Variants in PCED1B observed in about 807,000 individuals in gnomAD.
PCED1B encodes the protein PC-esterase domain containing 1B.
For missense variants in PCED1B, 573 were observed against 573.9 expected (o/e 1.00, Z 0.02); for synonymous variants, 251 against 246.1 (o/e 1.02, Z -0.19).
intron 2 of PCED1B, among the ~76,000 whole-genome samples, chr12:47,139,624 G>A (rs1940514536): frequency 6.6e-6 from 1 of 152,158 alleles, no homozygotes; most frequent in Non-Finnish European, 1.5e-5. Flanking sequence ...ATGTGTATGT[G>A]TGCTGGGTAT....
intron 1 of PCED1B, among the ~76,000 whole-genome samples, chr12:47,101,262 A>G (rs1329005893): frequency 6.6e-6 from 1 of 152,070 alleles, no homozygotes; most frequent in Non-Finnish European, 1.5e-5. Flanking sequence ...GAACCAACCT[A>G]TGGTTTGAGG....
intron 3 of PCED1B, among the ~76,000 whole-genome samples, chr12:47,227,893 G>A (rs1465895204): frequency 6.6e-6 from 1 of 152,090 alleles, no homozygotes; most frequent in Non-Finnish European, 1.5e-5. Context: ...ATTTTTGTCA[G>A]ATATTGGCCC....
intron 2 of PCED1B, among the ~76,000 whole-genome samples, chr12:47,142,764 A>G (rs910595707): frequency 5.3e-5 from 8 of 152,154 alleles, no homozygotes; most frequent in Non-Finnish European, 8.8e-5. Flanking sequence ...GAAATTAGCC[A>G]ATTAGAGGAA....
At chr12:47,128,399 G>A (rs1939984875) in intron 2 of PCED1B, among the ~76,000 whole-genome samples, 3 of 152,076 alleles carry the variant, frequency 2.0e-5, no homozygotes, top group South Asian at 4.1e-4. Flanking sequence ...GCCTCACTCT[G>A]GGCCGCCTTA....
rs888476812 is a variant in PCED1B at position 47,236,020 on chromosome 12, GCCT to G, written c.966_968del (p.Pro323del). 1.1e-5 allele frequency: 18 copies of G among 1,612,404 alleles called. No homozygotes were observed. The African/African-American group carries it at 1.3e-4, about 12-fold the overall frequency. On this transcript the variant is annotated inframe_deletion, in exon 4 of 4. Coordinates refer to ENST00000546455, the MANE Select transcript of PCED1B (RefSeq NM_138371.3). ...CGCTGCTCCCGCTCCTGTCCCCACA[GCCT>G]CCTCCTCCCATTCTCCATCACCAGG...
intron 2 of PCED1B, among the ~76,000 whole-genome samples, chr12:47,192,051 T>C (rs566349429): frequency 2.6e-5 from 4 of 152,220 alleles, no homozygotes; most frequent in African/African-American, 9.6e-5. Context: ...ATAAATGTAT[T>C]CAATCCACCC....
intron 2 of PCED1B, among the ~76,000 whole-genome samples, chr12:47,125,336 C>T (rs979207846): frequency 1.3e-5 from 2 of 151,886 alleles, no homozygotes; most frequent in Non-Finnish European, 2.9e-5. Flanking sequence ...TGTGGAGATC[C>T]AGACTTTCTG....
chr12:47,217,436 A>AAAAGAAAG lies in PCED1B; in HGVS notation c.-58+763_-58+770dup, dbSNP rs201460011. Among the ~76,000 whole-genome samples the AAAAGAAAG allele has an allele frequency of 5.8e-5, 5 of 85,750 alleles. No individual in the cohort carries two copies. The South Asian group carries it at 1.3e-3, about 22-fold the overall frequency. 56.3% of individuals were successfully genotyped at this position (85,750 alleles called of 152,430 possible). ...GAGAGAGACAGAGAAAGAAGAAAAAAAAAGAAAGAAAGAAAGAAAGAAAAA... is the reference window on the plus strand; with the variant it reads ...GAGAGAGACAGAGAAAGAAGAAAAAAAAAGAAAGAAAGAAAGAAAGAAAGAAAGAAAAA... On this transcript the variant is annotated intron_variant, in intron 3 of 3. Transcript: ENST00000546455.
intron 2 of PCED1B, among the ~76,000 whole-genome samples, chr12:47,157,698 G>A (rs1181860001): frequency 6.6e-6 from 1 of 152,036 alleles, no homozygotes; most frequent in Non-Finnish European, 1.5e-5. Context: ...GTGTAAAGGT[G>A]TGTTAAATAC....
At chr12:47,183,727 G>T (rs1942165879) in intron 2 of PCED1B, among the ~76,000 whole-genome samples, 1 of 152,050 alleles carries the variant, frequency 6.6e-6, no homozygotes, top group African/African-American at 2.4e-5. Context: ...GCATATTTTT[G>T]CTCAGCCATC....
At chr12:47,161,176 T>C (rs111845483) in intron 2 of PCED1B, among the ~76,000 whole-genome samples, 46 of 152,350 alleles carry the variant, frequency 3.0e-4, no homozygotes, top group Middle Eastern at 6.8e-3. Context: ...AGTTATTCTG[T>C]TATAGCAACA....
intron 1 of PCED1B, among the ~76,000 whole-genome samples, chr12:47,086,906 C>G (rs1938015192): frequency 6.6e-6 from 1 of 152,158 alleles, no homozygotes; most frequent in Admixed American, 6.5e-5. Context: ...ACTAATTTAT[C>G]ATAGCTTTAT....
At chr12:47,189,103 T>TTTTGATTG (rs1942364911) in intron 2 of PCED1B, among the ~76,000 whole-genome samples, 3 of 152,182 alleles carry the variant, frequency 2.0e-5, no homozygotes, top group African/African-American at 7.2e-5. Context: ...CTATCTTACA[T>TTTTGATTG]TTTGATTGTT....
chr12:47,127,827 G>T (rs574394070), intron 2 of PCED1B, among the ~76,000 whole-genome samples: 1 of 152,244 alleles, frequency 6.6e-6, no homozygotes, highest in South Asian at 2.1e-4. Flanking sequence ...TGCTGTTGTT[G>T]GATGGAGTGT....
chr12:47,178,244 T>G (rs1435893381), intron 2 of PCED1B, among the ~76,000 whole-genome samples: 2 of 152,198 alleles, frequency 1.3e-5, no homozygotes, highest in Admixed American at 1.3e-4. Context: ...TGGTTGGCTG[T>G]GGTAGGGATT....
intron 2 of PCED1B, among the ~76,000 whole-genome samples, chr12:47,190,948 G>A (rs75623932): frequency 0.02 from 3,004 of 152,264 alleles, 79 homozygotes; most frequent in African/African-American, 0.056. Context: ...ATGCCATCAA[G>A]GAGGTCTCCA....
chr12:47,129,484 G>C (rs1940029480), intron 2 of PCED1B, among the ~76,000 whole-genome samples: 1 of 151,882 alleles, frequency 6.6e-6, no homozygotes, highest in South Asian at 2.1e-4. Context: ...GCGAGACCCT[G>C]TCTCAAAATA....
intron 3 of PCED1B, among the ~76,000 whole-genome samples, chr12:47,228,787 C>A (rs11833523): frequency 3.2e-4 from 48 of 151,734 alleles, no homozygotes; most frequent in African/African-American, 1.1e-3. Flanking sequence ...GCAGGAGAAT[C>A]GCTTGAACCT....
chr12:47,113,212 T>C lies in PCED1B; in HGVS notation c.-526+9017T>C, dbSNP rs541697136. Among the ~76,000 whole-genome samples the C allele has an allele frequency of 5.3e-5, 8 of 152,264 alleles. No homozygotes were observed. In the South Asian group the frequency reaches 1.7e-3, roughly 32 times the overall value. ...ATTTATACTCAATTACATAATACTGTACAAGTGAGGACATAATATATGGTA... is the reference window on the plus strand; with the variant it reads ...ATTTATACTCAATTACATAATACTGCACAAGTGAGGACATAATATATGGTA... On this transcript the variant is annotated intron_variant, in intron 2 of 3. Transcript: ENST00000546455.
Sources: gnomAD v4.1 joint callset for allele counts (sites outside exome capture counted in the v4.1 genomes callset) on GRCh38, gnomAD v4.1.1 for gene constraint, MANE v1.5 for transcripts, NCBI Gene and HGNC (gene_info 2026-07-23, HGNC 2026-07-21) for gene names.